XKR3: variants seen among roughly 807,000 people sequenced by gnomAD.
XKR3 encodes the protein XK-related protein 3.
In XKR3, 27 loss-of-function variants were observed where a neutral mutation model predicts 40.3. That is an observed-to-expected ratio of 0.67 (90% confidence interval 0.49 to 0.92). The LOEUF is 0.92. Ranked by LOEUF, XKR3 falls within the 40% of genes least tolerant of loss-of-function variation. The pLI is 0.00. For missense variants in XKR3, 472 were observed against 537.6 expected (o/e 0.88, Z 1.21); for synonymous variants, 193 against 195.4 (o/e 0.99, Z 0.10).
At chr22:16,799,687 C>A in intron 3 of XKR3, 84 bp downstream of exon 3, 1 of 1,461,918 alleles carries the variant, frequency 6.8e-7, no homozygotes, top group Non-Finnish European at 9.1e-7. Flanking sequence ...TTTGGGATTA[C>A]ATATTTCAAC....
In XKR3 at chr22:16,808,461, G is replaced by A. The variant is rs530349899; in HGVS notation, c.-10-378C>T. On this transcript the variant is annotated intron_variant, in intron 1 of 3. Coordinates refer to ENST00000684488, the MANE Select transcript of XKR3 (RefSeq NM_001386955.1). Reference sequence around the variant, plus strand: ...CAGCTGACATCCACTAAAATAAAACGGCACAATCTAAGCCAAGTCTAACCA... The same window carrying A: ...CAGCTGACATCCACTAAAATAAAACAGCACAATCTAAGCCAAGTCTAACCA... Among the ~76,000 whole-genome samples, 12 of 152,154 alleles carry A rather than the reference G, an allele frequency of 7.9e-5. No homozygotes were observed. The South Asian group carries it at 2.3e-3, about 29-fold the overall frequency.
chr22:16,808,701 C>T (rs1232653202), intron 1 of XKR3, among the ~76,000 whole-genome samples: 1 of 152,114 alleles, frequency 6.6e-6, no homozygotes, highest in Non-Finnish European at 1.5e-5. Flanking sequence ...TAGGTTTAAA[C>T]TCTCTTTTGT....
chr22:16,824,334 C>T (rs2060266485), intron 1 of XKR3, among the ~76,000 whole-genome samples: 1 of 151,744 alleles, frequency 6.6e-6, no homozygotes, highest in South Asian at 2.1e-4. Flanking sequence ...CAAATAATGT[C>T]CATTAGGGAT....
intron 1 of XKR3, among the ~76,000 whole-genome samples, chr22:16,809,567 T>C (rs540408594): frequency 6.6e-6 from 1 of 152,302 alleles, no homozygotes; most frequent in African/African-American, 2.4e-5. Flanking sequence ...TTCTCAAAAG[T>C]CATCAGTGAC....
chr22:16,818,703 A>G (rs1004389775), intron 1 of XKR3, among the ~76,000 whole-genome samples: 13 of 152,200 alleles, frequency 8.5e-5, no homozygotes, highest in Non-Finnish European at 1.2e-4. Flanking sequence ...CTAATCTTCT[A>G]TTTCCCAACC....
rs111603312 is a variant in XKR3 at position 16,797,507 on chromosome 22, A to G, written c.589+2264T>C. ...AATAACTCTGTTAAAAAATAGGTAA[A>G]AGTGGCCAGGCGCAGTGGCTCGCGC... On this transcript the variant is annotated intron_variant, in intron 3 of 3. Coordinates refer to ENST00000684488, the MANE Select transcript of XKR3 (RefSeq NM_001386955.1). Among the ~76,000 whole-genome samples, 861 of 152,264 alleles carry G rather than the reference A, an allele frequency of 5.7e-3. 12 individuals carry two copies. The highest frequency in any genetic ancestry group is 0.02 in the African/African-American group (827 of 41,554).
chr22:16,818,039 T>C (rs1333122981), intron 1 of XKR3, among the ~76,000 whole-genome samples: 1 of 152,208 alleles, frequency 6.6e-6, no homozygotes, highest in East Asian at 1.9e-4. Context: ...ATATTATTTA[T>C]ATGCTATAAA....
chr22:16,789,150 A>G (rs1414778749), intron 3 of XKR3, among the ~76,000 whole-genome samples: 7 of 152,190 alleles, frequency 4.6e-5, no homozygotes, highest in Non-Finnish European at 8.8e-5. Context: ...TATTAACATA[A>G]TCCTGAAAGT....
intron 3 of XKR3, among the ~76,000 whole-genome samples, chr22:16,795,084 C>T (rs1159445511): frequency 6.6e-6 from 1 of 152,096 alleles, no homozygotes; most frequent in East Asian, 1.9e-4. Context: ...AACATGCCAC[C>T]CAACAAATGA....
chr22:16,808,959 T>C (rs2060202044), intron 1 of XKR3, among the ~76,000 whole-genome samples: 1 of 152,160 alleles, frequency 6.6e-6, no homozygotes, highest in African/African-American at 2.4e-5. Flanking sequence ...AGTAAGCATC[T>C]AATGCAAATT....
intron 3 of XKR3, among the ~76,000 whole-genome samples, chr22:16,794,783 A>G (rs2060133651): frequency 6.6e-6 from 1 of 152,128 alleles, no homozygotes; most frequent in Admixed American, 6.5e-5. Flanking sequence ...TCTTCAAGGC[A>G]CTCATCTCAC....
chr22:16,801,857 A>G (rs977208386), intron 2 of XKR3, among the ~76,000 whole-genome samples: 2 of 152,210 alleles, frequency 1.3e-5, no homozygotes, highest in African/African-American at 4.8e-5. Flanking sequence ...ACACCCAATA[A>G]CTTGCAAAAA....
At chr22:16,786,798 C>T (rs1806073546) in intron 3 of XKR3, among the ~76,000 whole-genome samples, 2 of 152,140 alleles carry the variant, frequency 1.3e-5, no homozygotes, top group Non-Finnish European at 2.9e-5. Flanking sequence ...AGAGCCCAGA[C>T]ATGAACACTG....
At chr22:16,812,458 C>T (rs192944052) in intron 1 of XKR3, among the ~76,000 whole-genome samples, 180 of 152,142 alleles carry the variant, frequency 1.2e-3, no homozygotes, top group African/African-American at 4.1e-3. Flanking sequence ...AGGCAGATCA[C>T]GAGGTCTGCA....
chr22:16,809,051 TA>T (rs1302716577), intron 1 of XKR3, among the ~76,000 whole-genome samples: 1 of 152,144 alleles, frequency 6.6e-6, no homozygotes, highest in African/African-American at 2.4e-5. Flanking sequence ...AAGTAGTAGT[TA>T]AAAAAAGTGG....
chr22:16,790,753 T>C (rs1324811934), intron 3 of XKR3, among the ~76,000 whole-genome samples: 2 of 152,092 alleles, frequency 1.3e-5, no homozygotes, highest in East Asian at 3.8e-4. Flanking sequence ...CAATTCTCCG[T>C]AAAGAAAATA....
At chr22:16,822,113 G>C (rs2060259367) in intron 1 of XKR3, among the ~76,000 whole-genome samples, 2 of 152,036 alleles carry the variant, frequency 1.3e-5, no homozygotes, top group African/African-American at 4.8e-5. Flanking sequence ...GTTAATTTTA[G>C]ACTTTTTTCT....
Position 16,808,203 on chromosome 22 carries a change from G to A in XKR3, c.-10-120C>T, listed in dbSNP as rs1224075664. On this transcript the variant is annotated intron_variant, in intron 1 of 3. Coordinates refer to ENST00000684488, the MANE Select transcript of XKR3 (RefSeq NM_001386955.1). ...TAGAAAATGTTAACAGGTAGATATG[G>A]ATCACTAATCAGAATAGAAAAATCC... 7 of 684,194 alleles carry A rather than the reference G, an allele frequency of 1.0e-5. No homozygotes were observed. The East Asian group carries it at 1.8e-4, about 18-fold the overall frequency. 42.4% of individuals were successfully genotyped at this position (684,194 alleles called of 1,614,324 possible).
chr22:16,799,500 C>T (rs1025167034), intron 3 of XKR3, among the ~76,000 whole-genome samples: 2 of 147,730 alleles, frequency 1.4e-5, no homozygotes, highest in East Asian at 2.0e-4. Flanking sequence ...TATTCCTCTG[C>T]TTCATCTCTA....
Sources: allele counts gnomAD v4.1 joint callset (sites outside exome capture counted in the v4.1 genomes callset), GRCh38; gene constraint gnomAD v4.1.1; transcripts MANE v1.5; gene names NCBI Gene and HGNC (gene_info 2026-07-23, HGNC 2026-07-21).